Variants in PELI2 observed in about 807,000 individuals in gnomAD.
The protein encoded by PELI2 is pellino E3 ubiquitin protein ligase family member 2.
PELI2 carries 23 observed loss-of-function variants against 42.3 expected under a neutral mutation model. The observed-to-expected ratio is 0.54, with a 90% CI of 0.39 to 0.77. The LOEUF (loss-of-function observed/expected upper bound fraction) is 0.77. Ranked by LOEUF, PELI2 falls within the 30% of genes least tolerant of loss-of-function variation. The pLI, the probability that PELI2 is intolerant of heterozygous loss-of-function variation, is 0.00. For missense variants in PELI2, 463 were observed against 553.2 expected (o/e 0.84, Z 1.64); for synonymous variants, 245 against 212.2 (o/e 1.15, Z -1.34).
chr14:56,144,595 T>G (rs1884040794), intron 1 of PELI2, among the ~76,000 whole-genome samples: 1 of 152,206 alleles, frequency 6.6e-6, no homozygotes, highest in South Asian at 2.1e-4. Context: ...CCTGGCTGAA[T>G]TGACACATAA....
chr14:56,198,952 C>G (rs1484625367), intron 2 of PELI2, among the ~76,000 whole-genome samples: 3 of 151,942 alleles, frequency 2.0e-5, no homozygotes, highest in Non-Finnish European at 2.9e-5. Context: ...ATTATATCAC[C>G]TTGTCTGTTC....
At chr14:56,131,308 C>G (rs529996646) in intron 1 of PELI2, among the ~76,000 whole-genome samples, 6 of 152,332 alleles carry the variant, frequency 3.9e-5, no homozygotes, top group Middle Eastern at 3.4e-3. Flanking sequence ...CATAGCTTTA[C>G]ACTGTATAGT....
intron 2 of PELI2, among the ~76,000 whole-genome samples, chr14:56,253,292 A>G (rs1888408740): frequency 6.6e-6 from 1 of 152,234 alleles, no homozygotes; most frequent in African/African-American, 2.4e-5. Flanking sequence ...AGCCAGCACA[A>G]GACAACGATG....
chr14:56,128,090 G>C (rs772712105), intron 1 of PELI2, among the ~76,000 whole-genome samples: 2 of 152,146 alleles, frequency 1.3e-5, no homozygotes, highest in Non-Finnish European at 1.5e-5. Flanking sequence ...AAATGGGATT[G>C]CCTGTACATA....
At position 56,204,434 on chromosome 14, in the gene PELI2, T is replaced by C. The variant is rs1004248245; in HGVS notation, c.207+25970T>C. On this transcript the variant is annotated intron_variant, in intron 2 of 5. Transcript: ENST00000267460. Reference sequence around the variant, plus strand: ...CTGGGGCCACTCTGAGCTTCTGACTTGAAGAAATGGAAGGATAATGTGAAT... The same window carrying C: ...CTGGGGCCACTCTGAGCTTCTGACTCGAAGAAATGGAAGGATAATGTGAAT... Among the ~76,000 whole-genome samples, 3 of 152,110 alleles carry C rather than the reference T, an allele frequency of 2.0e-5. No homozygotes were observed. In the East Asian group the frequency reaches 5.8e-4, roughly 29 times the overall value.
At chr14:56,226,885 C>T (rs1168742799) in intron 2 of PELI2, among the ~76,000 whole-genome samples, 5 of 152,082 alleles carry the variant, frequency 3.3e-5, no homozygotes, top group Non-Finnish European at 7.4e-5. Flanking sequence ...TCAAATTTTG[C>T]AGAACATGTA....
rs1023235012 is a variant in PELI2, at chr14:56,288,491, G to A, written c.364G>A (p.Gly122Ser). The A allele has an allele frequency of 3.7e-6, 6 of 1,613,934 alleles. No homozygotes were observed. The highest frequency in any genetic ancestry group is 5.1e-6 in the Non-Finnish European group (6 of 1,179,990). The change falls in exon 4 of 6, where the codon GGC (glycine) becomes AGC (serine). Residue 122 changes from glycine (G) to serine (S), a missense_variant. Gly to Ser is a moderately conservative substitution (Grantham distance 56, BLOSUM62 0). This residue lies in a region of PELI2 where 343 missense variants were observed against 378.4 expected (regional missense o/e 0.91). Coordinates refer to ENST00000267460, the MANE Select transcript of PELI2 (RefSeq NM_021255.3). This position sits in a 1 kb window ranked among gnomAD's most constrained non-coding sequence, Gnocchi z 4.6. ...IDFVVTDTIS[G>S]SQNTDEAQIT... ...CTTCGTTGTCACAGACACGATTTCT[G>A]GCAGCCAGAACACGGACGAAGCCCA...
intron 2 of PELI2, among the ~76,000 whole-genome samples, chr14:56,221,563 A>G (rs973536122): frequency 1.2e-4 from 18 of 152,218 alleles, no homozygotes; most frequent in African/African-American, 4.3e-4. Flanking sequence ...CTGACTGCCA[A>G]GGTAACTAGA....
chr14:56,263,509 A>G (rs868534620), intron 2 of PELI2, among the ~76,000 whole-genome samples: 4 of 152,204 alleles, frequency 2.6e-5, no homozygotes, highest in Non-Finnish European at 4.4e-5. Context: ...TGTAAATATT[A>G]TTATTCTGAC....
chr14:56,300,584 G>C lies in PELI2; in HGVS notation c.*3418G>C, dbSNP rs1435625169. On this transcript the variant is annotated 3_prime_UTR_variant, in exon 6 of 6. Coordinates refer to ENST00000267460, the MANE Select transcript of PELI2 (RefSeq NM_021255.3). Reference sequence around the variant, plus strand: ...TTGTTACCTGCAGTTCTATGGTTTTGTTTCACTTCTTTTCTTTTTTAAAGC... The same window carrying C: ...TTGTTACCTGCAGTTCTATGGTTTTCTTTCACTTCTTTTCTTTTTTAAAGC... 3 of 151,760 alleles carry C rather than the reference G, an allele frequency of 2.0e-5. No individual in the cohort carries two copies. Among genetic ancestry groups the C allele is most frequent in the Non-Finnish European group, 4.4e-5 (3 of 67,954 alleles). The allele number at this position is 151,760 out of a possible 1,614,324, so 9.4% of individuals were successfully genotyped here.
chr14:56,172,167 A>C (rs1885198640), intron 1 of PELI2, among the ~76,000 whole-genome samples: 1 of 152,202 alleles, frequency 6.6e-6, no homozygotes, highest in Non-Finnish European at 1.5e-5. Flanking sequence ...TCTGTGGGTC[A>C]GGAGTTTGGG....
chr14:56,129,352 C>T (rs1016841969), intron 1 of PELI2, among the ~76,000 whole-genome samples: 2 of 152,232 alleles, frequency 1.3e-5, no homozygotes, highest in African/African-American at 2.4e-5. Flanking sequence ...CCCTTCTGTG[C>T]GATGGCAAGG....
intron 1 of PELI2, among the ~76,000 whole-genome samples, chr14:56,172,648 G>T (rs566044149): frequency 6.6e-6 from 1 of 152,298 alleles, no homozygotes; most frequent in South Asian, 2.1e-4. Context: ...TGAAAAGCCA[G>T]CAAGTATTGG....
At chr14:56,284,394 T>A (rs976648386) in intron 3 of PELI2, among the ~76,000 whole-genome samples, 8 of 152,150 alleles carry the variant, frequency 5.3e-5, no homozygotes, top group African/African-American at 1.2e-4. Context: ...GAGTAACGTG[T>A]GGTGCCAAGT....
intron 2 of PELI2, among the ~76,000 whole-genome samples, chr14:56,228,335 G>C (rs1887435479): frequency 6.6e-6 from 1 of 152,158 alleles, no homozygotes; most frequent in Non-Finnish European, 1.5e-5. Context: ...CCTATATGTA[G>C]ATCCATAGCT....
chr14:56,137,425 C>A (rs1021596022), intron 1 of PELI2, among the ~76,000 whole-genome samples: 1 of 152,170 alleles, frequency 6.6e-6, no homozygotes, highest in African/African-American at 2.4e-5. Flanking sequence ...TGGATCCTGT[C>A]CCATTGCCAA....
intron 1 of PELI2, among the ~76,000 whole-genome samples, chr14:56,137,966 A>G (rs1883744291): frequency 6.6e-6 from 1 of 152,176 alleles, no homozygotes; most frequent in Admixed American, 6.5e-5. Context: ...GGAAGCTCCC[A>G]GGTGCACATT....
chr14:56,147,377 C>T (rs1220100454), intron 1 of PELI2, among the ~76,000 whole-genome samples: 1 of 152,148 alleles, frequency 6.6e-6, no homozygotes, highest in African/African-American at 2.4e-5. Flanking sequence ...TATTGTATTA[C>T]TGGCAACAAG....
chr14:56,120,613 G>A (rs1883027433), intron 1 of PELI2, among the ~76,000 whole-genome samples: 1 of 152,320 alleles, frequency 6.6e-6, no homozygotes, highest in African/African-American at 2.4e-5. Context: ...CGTCGTTTGT[G>A]TACCTACTCT....
Sources: gnomAD v4.1 joint callset for allele counts (sites outside exome capture counted in the v4.1 genomes callset) on GRCh38, gnomAD v4.1.1 for gene constraint, gnomAD v4.1.1 regional missense constraint, Gnocchi (gnomAD v3.1) non-coding constraint, MANE v1.5 for transcripts, NCBI Gene and HGNC (gene_info 2026-07-23, HGNC 2026-07-21) for gene names.